The following SYTL4 variants were observed in gnomAD, a reference collection of about 807,000 sequenced individuals.
SYTL4 encodes the protein synaptotagmin like 4.
In SYTL4, 16 loss-of-function variants were observed where a neutral mutation model predicts 52.7. The ratio of observed to expected loss-of-function variants is 0.30; its 90% confidence interval spans 0.21 to 0.46. The LOEUF (loss-of-function observed/expected upper bound fraction) is 0.46. Ranked by LOEUF, SYTL4 falls within the 20% of genes least tolerant of loss-of-function variation. The pLI, the probability that SYTL4 is intolerant of heterozygous loss-of-function variation, is 1.00. For synonymous variants in SYTL4, 160 were observed against 186.6 expected (o/e 0.86, Z 1.16); for missense variants, 423 against 519.9 (o/e 0.81, Z 1.81).
chrX:100,700,811 T>C, intron 8 of SYTL4, 86 bp downstream of exon 8: 1 of 780,054 alleles, frequency 1.3e-6, no homozygotes, highest in African/African-American at 2.1e-5. Context: ...ACATCTATTA[T>C]TTTATAAACA....
intron 2 of SYTL4, among the ~76,000 whole-genome samples, chrX:100,714,974 A>G (rs7057197): frequency 0.096 from 10,699 of 111,434 alleles, 1,216 homozygotes; most frequent in African/African-American, 0.33. Context: ...AAATATTAGA[A>G]TTATTTTTTA....
At chrX:100,711,063 C>T (rs5920845) in intron 2 of SYTL4, among the ~76,000 whole-genome samples, 35,495 of 110,694 alleles carry the variant, frequency 0.32, 4,254 homozygotes, top group East Asian at 0.53. Flanking sequence ...TCATGATTCA[C>T]GGGACACTAG....
chrX:100,701,705 A>T, intron 5 of SYTL4, 32 bp from the exon 6 acceptor site: 2 of 1,155,053 alleles, frequency 1.7e-6, no homozygotes, highest in South Asian at 3.6e-5. Flanking sequence ...GCGTAAGTGG[A>T]TTCAGGATAT....
intron 8 of SYTL4, among the ~76,000 whole-genome samples, chrX:100,692,795 G>T (rs1053839966): frequency 6.3e-5 from 7 of 110,927 alleles, no homozygotes; most frequent in African/African-American, 2.3e-4. Context: ...TCCTCCCGTA[G>T]ACCTCTAATA....
At chrX:100,726,607 C>T (rs1173117449) in intron 2 of SYTL4, among the ~76,000 whole-genome samples, 3 of 109,975 alleles carry the variant, frequency 2.7e-5, no homozygotes, top group Non-Finnish European at 5.7e-5. Flanking sequence ...CTGACTTTCT[C>T]GGGGACCTTG....
intron 2 of SYTL4, among the ~76,000 whole-genome samples, chrX:100,714,385 G>A (rs5967175): frequency 0.14 from 15,453 of 107,784 alleles, 2,341 homozygotes; most frequent in African/African-American, 0.45. Context: ...TCAGCCTCCC[G>A]AGTAGCTGGG....
In SYTL4 at chrX:100,692,655, G is replaced by C. The variant is rs1184397877; in HGVS notation, c.540-1446C>G. 2.7e-5 allele frequency among the ~76,000 whole-genome samples: 3 copies of C among 110,962 alleles called. No individual in the cohort carries two copies. In the Admixed American group the frequency reaches 2.9e-4, roughly 11 times the overall value. On this transcript the variant is annotated intron_variant, in intron 8 of 19. Transcript: ENST00000372989. The stretch of plus-strand genomic sequence containing the variant: ...AATTAGTGAGAGCAGCAGGAAAAGG[G>C]GGAAAAAACATCGATTCTTCCTCAA...
At chrX:100,729,384 G>C (rs890438434) in intron 2 of SYTL4, among the ~76,000 whole-genome samples, 14 of 111,273 alleles carry the variant, frequency 1.3e-4, no homozygotes, top group African/African-American at 4.6e-4. Flanking sequence ...TGAGGGAGTG[G>C]GAGGGCAGAC....
rs2083492619 is a variant in SYTL4 at position 100,687,265 on chromosome X, G to A, written c.1006-20C>T. On this transcript the variant is annotated intron_variant, in intron 13 of 19. Coordinates refer to ENST00000372989, the MANE Select transcript of SYTL4 (RefSeq NM_001370165.1). ...CGTACTCTGAAGATAAAGCACCCAC[G>A]AACATCTGGGGAAGGCACACTCCCC... 1 of 1,194,689 alleles carries A rather than the reference G, an allele frequency of 8.4e-7. No homozygotes were observed.
chrX:100,682,118 CAGTT>C (rs1319913998), intron 16 of SYTL4, among the ~76,000 whole-genome samples: 4 of 111,211 alleles, frequency 3.6e-5, no homozygotes, highest in Non-Finnish European at 5.7e-5. Flanking sequence ...CAAGGTCACA[CAGTT>C]AGTAATTGGC....
chrX:100,729,027 A>G (rs1464122564), intron 2 of SYTL4, among the ~76,000 whole-genome samples: 1 of 107,497 alleles, frequency 9.3e-6, no homozygotes, highest in East Asian at 2.9e-4. Context: ...ACACAGCGAA[A>G]CTCTGCCTCA....
At chrX:100,691,303 G>C (rs1243159376) in intron 8 of SYTL4, 94 bp from the exon 9 acceptor site, 5 of 552,820 alleles carry the variant, frequency 9.0e-6, no homozygotes, top group African/African-American at 2.3e-5. Flanking sequence ...CGTAGCCTGA[G>C]TGATCTTTCT....
chrX:100,676,850 C>T (rs891610007), intron 19 of SYTL4, among the ~76,000 whole-genome samples: 3 of 111,325 alleles, frequency 2.7e-5, no homozygotes, highest in Admixed American at 1.9e-4. Flanking sequence ...AAGTGAGGAT[C>T]GTATGTGGCC....
At chrX:100,699,426 A>G in intron 8 of SYTL4, among the ~76,000 whole-genome samples, 1 of 107,817 alleles carries the variant, frequency 9.3e-6, no homozygotes, top group Non-Finnish European at 1.9e-5. Context: ...AAAAAAAAAG[A>G]AAAGAAAACA....
chrX:100,689,949 T>C lies in SYTL4; in HGVS notation c.819A>G (p.Lys273=). 8.3e-7 allele frequency: 1 copy of C among 1,202,070 alleles called. No individual in the cohort carries two copies. Among genetic ancestry groups the C allele is most frequent in the South Asian group, 1.8e-5 (1 of 56,313 alleles). Residue 273 remains lysine, a synonymous_variant, in exon 12 of 20, where the codon AAA becomes AAG. Transcript: ENST00000372989. ...RKILRPSEYT[K]SVIDLRPEDV... is the part of the protein sequence containing the mutation. Reference sequence around the variant, plus strand: ...CTTCTGGGCGAAGATCTATCACAGATTTAGTGTACTCTGAGGGGAAGACCA... The same window carrying C: ...CTTCTGGGCGAAGATCTATCACAGACTTAGTGTACTCTGAGGGGAAGACCA...
rs2083334312 is a variant in SYTL4, at chrX:100,679,398, C to T, written c.1573G>A (p.Gly525Arg). The change falls in exon 18 of 20, where the codon GGG (glycine) becomes AGG (arginine). Residue 525 changes from glycine (G) to arginine (R), a missense_variant. Coordinates refer to ENST00000372989, the MANE Select transcript of SYTL4 (RefSeq NM_001370165.1). ...GDRKKSKGGE[G>R]GELQVWIKEA... ...TTGATCCACACCTGGAGCTCTCCCC[C>T]TTCCCCACCTTTACCTGTAAGGGAT... 8.3e-7 allele frequency: 1 copy of T among 1,207,711 alleles called. No homozygotes were observed. The highest frequency in any genetic ancestry group is 1.7e-5 in the African/African-American group (1 of 57,695).
chrX:100,718,858 G>A (rs1202798348), intron 2 of SYTL4, among the ~76,000 whole-genome samples: 3 of 105,818 alleles, frequency 2.8e-5, no homozygotes, highest in Non-Finnish European at 5.8e-5. Flanking sequence ...GAGTTAGGCA[G>A]CGCCATCTCA....
intron 15 of SYTL4, chrX:100,686,447 T>C (rs760358795): frequency 2.5e-6 from 1 of 392,159 alleles, no homozygotes; most frequent in Non-Finnish European, 4.4e-6. Flanking sequence ...ATGTCTTTTT[T>C]ACATGAGATT....
intron 19 of SYTL4, 76 bp downstream of exon 19, chrX:100,678,315 G>T: frequency 1.4e-6 from 1 of 730,200 alleles, no homozygotes; most frequent in Non-Finnish European, 2.1e-6. Flanking sequence ...GCTTTGTGTT[G>T]GGGGGCGGGA....
Sources: allele counts gnomAD v4.1 joint callset (sites outside exome capture counted in the v4.1 genomes callset), GRCh38; gene constraint gnomAD v4.1.1; transcripts MANE v1.5; gene names NCBI Gene and HGNC (gene_info 2026-07-23, HGNC 2026-07-21).